The following PKD2L1 variants were observed in gnomAD, a reference collection of about 807,000 sequenced individuals.
The protein encoded by PKD2L1 is polycystin-2-like protein 1.
Under a neutral mutation model 93.0 loss-of-function variants are expected in PKD2L1, and 77 were observed. The observed-to-expected ratio is 0.83, with a 90% CI of 0.69 to 1.00. The LOEUF (loss-of-function observed/expected upper bound fraction) is 1.00, where lower values mean the gene tolerates loss of function less well. PKD2L1 is among the 50% of genes least tolerant of loss of function. The pLI is 0.00. For synonymous variants in PKD2L1, 390 were observed against 388.0 expected, an observed-to-expected ratio of 1.01 and a Z score of -0.06; for missense variants, 977 against 990.9, an observed-to-expected ratio of 0.99 and a Z score of 0.19.
intron 2 of PKD2L1, among the ~76,000 whole-genome samples, chr10:100,319,340 C>T (rs1022358927): frequency 2.6e-5 from 4 of 152,170 alleles, no homozygotes; most frequent in African/African-American, 9.7e-5. Flanking sequence ...ACCTATTTGC[C>T]AAAGATGCGT....
At chr10:100,316,453 G>T (rs1438330772) in intron 2 of PKD2L1, among the ~76,000 whole-genome samples, 1 of 152,202 alleles carries the variant, frequency 6.6e-6, no homozygotes, top group African/African-American at 2.4e-5. Flanking sequence ...CCACAGGTGT[G>T]AGCCATCTTG....
At chr10:100,295,187 G>T (rs1848500461) in intron 7 of PKD2L1, 64 bp from the exon 8 acceptor site, 2 of 1,408,276 alleles carry the variant, frequency 1.4e-6, no homozygotes, top group East Asian at 2.3e-5. Context: ...AAAAGTCCAT[G>T]CCAAGGGCCT....
Position 100,289,072 on chromosome 10 carries a change from A to G in PKD2L1, c.2251-16T>C, listed in dbSNP as rs377144879. 7.1e-5 allele frequency: 112 copies of G among 1,585,746 alleles called. No homozygotes were observed. The African/African-American group carries it at 1.3e-3, about 18-fold the overall frequency. ...CTTGTTCCTTCTGTTGGAAGAAGAA[A>G]GGGACAAATCATTTGAAGAAATAGT... On this transcript the variant is annotated splice_polypyrimidine_tract_variant and intron_variant, in intron 14 of 15. Transcript: ENST00000318222.
chr10:100,299,672 C>G lies in PKD2L1; in HGVS notation c.396G>C (p.Val132=). Residue 132 remains valine (V), a synonymous_variant, in exon 3 of 16, where the codon GTG becomes GTC. Coordinates refer to ENST00000318222, the MANE Select transcript of PKD2L1 (RefSeq NM_016112.3). ...TSSSAYYYTK[V]MSELFLHTPS... is the part of the protein sequence containing the mutation. ...GAGTATGTAAGAAGAGCTCAGACAT[C>G]ACTTTGGTGTAGTAATAAGCACTGG... 1 of 1,612,906 alleles carries G rather than the reference C, an allele frequency of 6.2e-7. No homozygotes were observed. Among genetic ancestry groups the G allele is most frequent in the South Asian group, 1.1e-5 (1 of 91,056 alleles).
In PKD2L1 at chr10:100,321,078, G is replaced by T. The variant is rs537687077; in HGVS notation, c.349+8133C>A. Among the ~76,000 whole-genome samples the T allele has an allele frequency of 3.3e-5, 5 of 152,350 alleles. No homozygotes were observed. In the South Asian group the frequency reaches 8.3e-4, roughly 25 times the overall value. On this transcript the variant is annotated intron_variant, in intron 2 of 15. Transcript: ENST00000318222. ...AAAATATAAAAACTGGCTGGGCATG[G>T]TGGCTCACGCCTGTAATTCCAGCAC...
chr10:100,326,560 T>C (rs1319158111), intron 2 of PKD2L1, among the ~76,000 whole-genome samples: 1 of 152,236 alleles, frequency 6.6e-6, no homozygotes, highest in East Asian at 1.9e-4. Flanking sequence ...CACAGTACTC[T>C]GTGCTGGTCA....
At chr10:100,320,307 T>A (rs1849197732) in intron 2 of PKD2L1, among the ~76,000 whole-genome samples, 1 of 152,240 alleles carries the variant, frequency 6.6e-6, no homozygotes, top group Non-Finnish European at 1.5e-5. Flanking sequence ...ATTGCCTGCA[T>A]GAAAAAGATA....
chr10:100,326,357 T>G (rs1044539291), intron 2 of PKD2L1, among the ~76,000 whole-genome samples: 5 of 152,218 alleles, frequency 3.3e-5, no homozygotes, highest in Middle Eastern at 3.2e-3. Flanking sequence ...TTGATGCACT[T>G]TAACCAAACT....
At chr10:100,323,500 C>T (rs1849309604) in intron 2 of PKD2L1, among the ~76,000 whole-genome samples, 1 of 152,184 alleles carries the variant, frequency 6.6e-6, no homozygotes, top group South Asian at 2.1e-4. Context: ...AACTCCTGAT[C>T]TCAGGTGGTC....
At chr10:100,314,572 T>C (rs113380367) in intron 2 of PKD2L1, among the ~76,000 whole-genome samples, 3 of 152,296 alleles carry the variant, frequency 2.0e-5, no homozygotes, top group African/African-American at 7.2e-5. Flanking sequence ...CTGACTTTAT[T>C]GCCATTAGCC....
rs768065978 is a variant in PKD2L1 at position 100,294,615 on chromosome 10, T to TGTCGATAGCG, written c.1578_1579insCGCTATCGAC (p.Asn527ArgfsTer39). The TGTCGATAGCG allele has an allele frequency of 3.1e-6, 5 of 1,613,852 alleles. No homozygotes were observed. The East Asian group carries it at 8.9e-5, about 29-fold the overall frequency. Reference sequence around the variant, plus strand: ...ATGCGGTTGGCATTGTCGATAGCATTGTAGTCAAAGTCCCCGAGGATTATC... The same window carrying TGTCGATAGCG: ...ATGCGGTTGGCATTGTCGATAGCATTGTCGATAGCGGTAGTCAAAGTCCCCGAGGATTATC... On this transcript the variant is annotated frameshift_variant, in exon 9 of 16. Transcript: ENST00000318222. LOFTEE classifies it high-confidence loss of function.
chr10:100,288,920 G>A, intron 15 of PKD2L1, 52 bp downstream of exon 15: 1 of 1,217,088 alleles, frequency 8.2e-7, no homozygotes, highest in Non-Finnish European at 1.2e-6. Context: ...GGCCTGTGCG[G>A]AGGCAGAGGG....
intron 2 of PKD2L1, among the ~76,000 whole-genome samples, chr10:100,309,008 C>T (rs1240313386): frequency 6.6e-6 from 1 of 152,130 alleles, no homozygotes; most frequent in East Asian, 1.9e-4. Context: ...AAATCTGTAT[C>T]AGGAACCATA....
chr10:100,299,829 T>A, intron 2 of PKD2L1, 111 bp from the exon 3 acceptor site: 1 of 905,842 alleles, frequency 1.1e-6, no homozygotes, highest in Non-Finnish European at 1.8e-6. Flanking sequence ...CCATCCCCCA[T>A]CTGGACCCAT....
chr10:100,311,956 T>A (rs1303840129), intron 2 of PKD2L1, among the ~76,000 whole-genome samples: 1 of 152,112 alleles, frequency 6.6e-6, no homozygotes, highest in Non-Finnish European at 1.5e-5. Flanking sequence ...AATCTGGGGA[T>A]GTCTTCCACC....
chr10:100,322,965 G>A (rs1432331969), intron 2 of PKD2L1, among the ~76,000 whole-genome samples: 2 of 152,218 alleles, frequency 1.3e-5, no homozygotes, highest in Admixed American at 6.5e-5. Flanking sequence ...GTGATAGGCA[G>A]AACCAATTTC....
intron 2 of PKD2L1, among the ~76,000 whole-genome samples, chr10:100,318,691 T>C (rs540226318): frequency 1.3e-5 from 2 of 148,668 alleles, no homozygotes; most frequent in Non-Finnish European, 3.0e-5. Flanking sequence ...GCTAATTTTT[T>C]TGTATTTTTA....
In PKD2L1 at chr10:100,297,582, C is replaced by T; in HGVS notation, c.756G>A (p.Glu252=). 1 of 1,613,882 alleles carries T rather than the reference C, an allele frequency of 6.2e-7. No individual in the cohort carries two copies. The highest frequency in any genetic ancestry group is 1.1e-5 in the South Asian group (1 of 91,068). ...GTAWTYHSQD[E]LGGFSHWGRL... is the part of the protein sequence containing the mutation. ...TGCCCCAGTGGGAGAAGCCCCCCAA[C>T]TCATCCTGCGAGTGGTATGTCCACC... Residue 252 remains glutamate (E), a synonymous_variant, in exon 5 of 16, where the codon GAG becomes GAA. Coordinates refer to ENST00000318222, the MANE Select transcript of PKD2L1 (RefSeq NM_016112.3).
chr10:100,315,002 GGAAGGAA>G (rs772868940), intron 2 of PKD2L1, among the ~76,000 whole-genome samples: 899 of 12,790 alleles, frequency 0.07, 28 homozygotes, highest in Middle Eastern at 0.091. Flanking sequence ...AAGGAAGGAA[GGAAGGAA>G]GGAAGGGAAG....
Sources: allele counts gnomAD v4.1 joint callset (sites outside exome capture counted in the v4.1 genomes callset), GRCh38; gene constraint gnomAD v4.1.1; transcripts MANE v1.5; gene names NCBI Gene and HGNC (gene_info 2026-07-23, HGNC 2026-07-21).